SPI1: variants seen among roughly 807,000 people sequenced by gnomAD.
The protein encoded by SPI1 is Spi-1 proto-oncogene, also known as transcription factor PU.1.
In SPI1, 3 loss-of-function variants were observed where a neutral mutation model predicts 30.7. The ratio of observed to expected loss-of-function variants is 0.10; its 90% confidence interval spans 0.04 to 0.25. The LOEUF is 0.25. Ranked by LOEUF, SPI1 falls within the 10% of genes least tolerant of loss-of-function variation. The pLI is 1.00. For missense variants in SPI1, 261 were observed against 371.5 expected (o/e 0.70, Z 2.45); for synonymous variants, 169 against 157.1 (o/e 1.08, Z -0.56).
rs1005693243 is a variant in SPI1 at position 47,375,444 on chromosome 11, G to C, written c.142+189C>G. Among the ~76,000 whole-genome samples, 3 of 152,218 alleles carry C rather than the reference G, an allele frequency of 2.0e-5. No homozygotes were observed. Among genetic ancestry groups the C allele is most frequent in the African/African-American group, 7.2e-5 (3 of 41,444 alleles). On this transcript the variant is annotated intron_variant, in intron 2 of 4. Transcript: ENST00000378538. This position sits in a 1 kb window ranked among gnomAD's most constrained non-coding sequence, Gnocchi z 4.2. ...CCCCGCACCTTGACACACTGCAGAG[G>C]CTCCATAATGGAGGCTCAGGTGTGG...
Position 47,374,334 on chromosome 11 carries a change from A to G in SPI1, c.142+1299T>C, listed in dbSNP as rs775877958. ...AAAAAGGATATTTTAAAGGCTTTCT[A>G]GCCCTGAAAGATTCTAAAAGATGCC... On this transcript the variant is annotated intron_variant, in intron 2 of 4. Coordinates refer to ENST00000378538, the MANE Select transcript of SPI1 (RefSeq NM_003120.3). The surrounding 1 kb of genome is among the most constrained non-coding windows in gnomAD (Gnocchi z 4.5). Among the ~76,000 whole-genome samples, 7 of 152,240 alleles carry G rather than the reference A, an allele frequency of 4.6e-5. No homozygotes were observed. The highest frequency in any genetic ancestry group is 7.2e-5 in the African/African-American group (3 of 41,466).
Position 47,360,131 on chromosome 11 carries a change from A to G in SPI1, c.143-91T>C, listed in dbSNP as rs2095918583. The G allele has an allele frequency of 5.3e-6, 6 of 1,137,744 alleles. No individual in the cohort carries two copies. The Admixed American group carries it at 1.1e-4, about 21-fold the overall frequency. 70.5% of individuals were successfully genotyped at this position (1,137,744 alleles called of 1,614,324 possible). A position where few individuals can be genotyped will look rare whatever the true frequency, so the allele number is the denominator to read the frequency against. On this transcript the variant is annotated intron_variant, in intron 2 of 4. Coordinates refer to ENST00000378538, the MANE Select transcript of SPI1 (RefSeq NM_003120.3). ...TAACATTAAATAATACTGCCAGGCC[A>G]TATGGGGCCTAACCATCTCGTTTAA...
At position 47,355,009 on chromosome 11, in the gene SPI1, C is replaced by G; in HGVS notation, c.*218G>C. The G allele has an allele frequency of 2.8e-6, 1 of 352,080 alleles. No homozygotes were observed. The highest frequency in any genetic ancestry group is 5.0e-6 in the Non-Finnish European group (1 of 199,976). The allele number at this position is 352,080 out of a possible 1,614,324, so 21.8% of individuals were successfully genotyped here. On this transcript the variant is annotated 3_prime_UTR_variant, in exon 5 of 5. Coordinates refer to ENST00000378538, the MANE Select transcript of SPI1 (RefSeq NM_003120.3). ...AGGTTGCCCCGGTGGGGTCTGACGC[C>G]CAGCTGGCGTCCGGGAGCCGGGGTG...
Position 47,359,317 on chromosome 11 carries a change from C to T in SPI1, c.331-311G>A, listed in dbSNP as rs1046479182. ...TCCCTGCAGCGGTGCTGTGTGGACC[C>T]GCATTAGGCTGGGGTCAGAAGAGGG... On this transcript the variant is annotated intron_variant, in intron 3 of 4. Transcript: ENST00000378538. The surrounding 1 kb of genome is among the most constrained non-coding windows in gnomAD (Gnocchi z 5.1). 7.9e-5 allele frequency among the ~76,000 whole-genome samples: 12 copies of T among 152,110 alleles called. No individual in the cohort carries two copies. Among genetic ancestry groups the T allele is most frequent in the Non-Finnish European group, 1.6e-4 (11 of 68,018 alleles).
In SPI1 at chr11:47,375,853, C is replaced by A; in HGVS notation, c.46-124G>T. 1 of 776,632 alleles carries A rather than the reference C, an allele frequency of 1.3e-6. No homozygotes were observed. The highest frequency in any genetic ancestry group is 2.3e-6 in the Non-Finnish European group (1 of 440,550). The allele number at this position is 776,632 out of a possible 1,614,324, so 48.1% of individuals were successfully genotyped here. On this transcript the variant is annotated intron_variant, in intron 1 of 4. Coordinates refer to ENST00000378538, the MANE Select transcript of SPI1 (RefSeq NM_003120.3). The surrounding 1 kb of genome is among the most constrained non-coding windows in gnomAD (Gnocchi z 4.2). ...TCAGTGGCTGCGTTGGACCTACAGC[C>A]CTCCCTCTGCCTGGAACTGGGACAG...
chr11:47,376,317 A>G (rs573676983), intron 1 of SPI1, among the ~76,000 whole-genome samples: 1 of 152,030 alleles, frequency 6.6e-6, no homozygotes, highest in East Asian at 1.9e-4. Flanking sequence ...ACACCCCCAG[A>G]GCCACTCACA....
chr11:47,355,636 G>T (rs568247487), intron 4 of SPI1, 90 bp from the exon 5 acceptor site: 11 of 1,177,500 alleles, frequency 9.3e-6, no homozygotes, highest in African/African-American at 1.6e-5. Flanking sequence ...GCCCGGGGAC[G>T]GGGTGGCCGG....
intron 4 of SPI1, chr11:47,358,491 CCTT>C (rs2095915475): frequency 3.1e-6 from 2 of 654,062 alleles, no homozygotes; most frequent in South Asian, 1.7e-5. Flanking sequence ...CTCACATTCA[CCTT>C]CTCACACACC....
intron 1 of SPI1, among the ~76,000 whole-genome samples, chr11:47,376,045 T>C (rs2095941904): frequency 6.6e-6 from 1 of 151,442 alleles, no homozygotes; most frequent in South Asian, 2.1e-4. Flanking sequence ...CCCACACACC[T>C]CTCCTGGTCA....
chr11:47,356,669 C>T lies in SPI1; in HGVS notation c.494-1123G>A, dbSNP rs187566092. The stretch of plus-strand genomic sequence containing the variant: ...TGCTTACACATCTTACACTGCTCAC[C>T]CTCACACCTTACATTGCTCACCCTT... On this transcript the variant is annotated intron_variant, in intron 4 of 4. Coordinates refer to ENST00000378538, the MANE Select transcript of SPI1 (RefSeq NM_003120.3). 3.7e-4 allele frequency among the ~76,000 whole-genome samples: 56 copies of T among 151,732 alleles called. No homozygotes were observed. In the East Asian group the frequency reaches 8.9e-3, roughly 24 times the overall value.
At chr11:47,356,942 GCA>G (rs1252785713) in intron 4 of SPI1, among the ~76,000 whole-genome samples, 4 of 146,378 alleles carry the variant, frequency 2.7e-5, no homozygotes, top group Admixed American at 6.9e-5. Flanking sequence ...ATTCACTCAC[GCA>G]CACACCCACT....
At chr11:47,369,925 A>G (rs1300726561) in intron 2 of SPI1, among the ~76,000 whole-genome samples, 1 of 152,226 alleles carries the variant, frequency 6.6e-6, no homozygotes, top group Non-Finnish European at 1.5e-5. Context: ...TTTGACATAC[A>G]GTAGCTCGTT....
intron 2 of SPI1, among the ~76,000 whole-genome samples, chr11:47,367,204 AGATG>A (rs748565791): frequency 1.3e-5 from 2 of 152,010 alleles, no homozygotes; most frequent in African/African-American, 4.8e-5. Context: ...TTGGATGGAT[AGATG>A]GATGGATGGA....
Position 47,378,474 on chromosome 11 carries a change from G to C in SPI1, c.-121C>G. ...TGGGGCGGGTGCAGGGCTCAGGCCT[G>C]CCCCCTGAGCTACAGGAGCCCTGGG... On this transcript the variant is annotated 5_prime_UTR_variant, in exon 1 of 5. Transcript: ENST00000378538. 1 of 1,037,066 alleles carries C rather than the reference G, an allele frequency of 9.6e-7. No homozygotes were observed. The highest frequency in any genetic ancestry group is 1.4e-6 in the Non-Finnish European group (1 of 697,140). 64.2% of individuals were successfully genotyped at this position (1,037,066 alleles called of 1,614,324 possible). A position where few individuals can be genotyped will look rare whatever the true frequency, so the allele number is the denominator to read the frequency against.
At chr11:47,362,170 C>T (rs559072745) in intron 2 of SPI1, among the ~76,000 whole-genome samples, 1 of 152,236 alleles carries the variant, frequency 6.6e-6, no homozygotes, top group African/African-American at 2.4e-5. Flanking sequence ...AGCAAATGAC[C>T]TATTGCTTGC....
intron 2 of SPI1, among the ~76,000 whole-genome samples, chr11:47,373,237 A>G (rs1027565427): frequency 1.6e-4 from 24 of 152,204 alleles, no homozygotes; most frequent in Non-Finnish European, 2.9e-4. Context: ...CTGTAATCCT[A>G]GCTACTTGGG....
intron 1 of SPI1, among the ~76,000 whole-genome samples, chr11:47,376,890 G>A (rs1595864946): frequency 2.0e-5 from 3 of 152,224 alleles, no homozygotes. Flanking sequence ...AGGGCTGGGG[G>A]TGCCTAGGGA....
At chr11:47,356,987 C>T (rs1175115827) in intron 4 of SPI1, among the ~76,000 whole-genome samples, 1 of 151,320 alleles carries the variant, frequency 6.6e-6, no homozygotes, top group East Asian at 1.9e-4. Context: ...CACACATGCT[C>T]ACCTATCCAT....
rs2095939620 is a variant in SPI1 at position 47,374,328 on chromosome 11, C to CG, written c.142+1304_142+1305insC. Among the ~76,000 whole-genome samples the CG allele has an allele frequency of 6.6e-6, 1 of 152,168 alleles. No homozygotes were observed. Among genetic ancestry groups the CG allele is most frequent in the African/African-American group, 2.4e-5 (1 of 41,428 alleles). On this transcript the variant is annotated intron_variant, in intron 2 of 4. Transcript: ENST00000378538. The surrounding 1 kb of genome is among the most constrained non-coding windows in gnomAD (Gnocchi z 4.5). ...GGAATTAAAAAGGATATTTTAAAGG[C>CG]TTTCTAGCCCTGAAAGATTCTAAAA... is the stretch of plus-strand genomic sequence containing the variant.
Sources: allele counts gnomAD v4.1 joint callset (sites outside exome capture counted in the v4.1 genomes callset), GRCh38; gene constraint gnomAD v4.1.1; non-coding constraint Gnocchi (gnomAD v3.1); transcripts MANE v1.5; gene names NCBI Gene and HGNC (gene_info 2026-07-23, HGNC 2026-07-21).